Variants in BACH2 observed in about 807,000 individuals in gnomAD.
The protein encoded by BACH2 is BACH transcriptional regulator 2.
Under a neutral mutation model 61.8 loss-of-function variants are expected in BACH2, and 5 were observed. That is an observed-to-expected ratio of 0.08 (90% CI 0.04 to 0.17). The LOEUF is 0.17. Ranked by LOEUF, BACH2 falls within the 10% of genes least tolerant of loss-of-function variation. The probability of loss-of-function intolerance (pLI) is 1.00; values close to 1 mark genes in which losing one functional copy is unlikely to be tolerated. For missense variants in BACH2, 824 were observed against 1,091.1 expected, an observed-to-expected ratio of 0.76 and a Z score of 3.45; for synonymous variants, 446 against 440.1, an observed-to-expected ratio of 1.01 and a Z score of -0.17.
At chr6:90,065,988 A>G (rs1408907670) in intron 5 of BACH2, among the ~76,000 whole-genome samples, 1 of 152,228 alleles carries the variant, frequency 6.6e-6, no homozygotes, top group East Asian at 1.9e-4. Context: ...AAGAATGGGT[A>G]GAATATGACA....
intron 4 of BACH2, among the ~76,000 whole-genome samples, chr6:90,103,295 G>A (rs1782757653): frequency 6.6e-6 from 1 of 151,862 alleles, no homozygotes; most frequent in Non-Finnish European, 1.5e-5. Flanking sequence ...GAGAGAGCCA[G>A]GAGCTGCTGT....
Position 89,990,202 on chromosome 6 carries a change from T to C in BACH2, c.243+18400A>G, listed in dbSNP as rs191740039. On this transcript the variant is annotated intron_variant, in intron 6 of 8. Coordinates refer to ENST00000257749, the MANE Select transcript of BACH2 (RefSeq NM_021813.4). The stretch of plus-strand genomic sequence containing the variant: ...TACAGCAGCTCCATGTGGGGAGCTA[T>C]ACCCTTAGAGACAGGAGTCGGTGCA... Among the ~76,000 whole-genome samples, 443 of 152,328 alleles carry C rather than the reference T, an allele frequency of 2.9e-3. 2 individuals carry two copies. The highest frequency in any genetic ancestry group is 8.8e-3 in the African/African-American group (364 of 41,574).
chr6:90,018,041 C>T (rs1335324089), intron 5 of BACH2, among the ~76,000 whole-genome samples: 1 of 152,196 alleles, frequency 6.6e-6, no homozygotes, highest in Non-Finnish European at 1.5e-5. Flanking sequence ...GGGTTCATTA[C>T]TCCCTACTAC....
rs151251341 is a variant in BACH2 at position 90,257,878 on chromosome 6, C to T, written c.-352-5288G>A. 7.9e-3 allele frequency among the ~76,000 whole-genome samples: 1,207 copies of T among 152,238 alleles called. 9 individuals carry two copies. Among genetic ancestry groups the T allele is most frequent in the East Asian group, 0.022 (112 of 5,170 alleles). On this transcript the variant is annotated intron_variant, in intron 2 of 8. Transcript: ENST00000257749. ...ACAATCTCGGCCTCCTGGGTTCAAG[C>T]GATTCTCCTGCCTCAGCCTCCCAAG...
chr6:90,098,643 C>T (rs752346013), intron 4 of BACH2, among the ~76,000 whole-genome samples: 4 of 152,192 alleles, frequency 2.6e-5, no homozygotes, highest in Non-Finnish European at 4.4e-5. Flanking sequence ...CCTTTGAAGA[C>T]GATGTAGGCC....
intron 4 of BACH2, among the ~76,000 whole-genome samples, chr6:90,126,879 G>T (rs58282815): frequency 0.022 from 3,418 of 152,236 alleles, 107 homozygotes; most frequent in African/African-American, 0.07. Flanking sequence ...GTGGTCAAAA[G>T]AAAAGATAAA....
chr6:90,038,442 A>G (rs1404859217), intron 5 of BACH2, among the ~76,000 whole-genome samples: 1 of 152,168 alleles, frequency 6.6e-6, no homozygotes, highest in Non-Finnish European at 1.5e-5. Flanking sequence ...TGTGCTCAAC[A>G]TTATGTTTGT....
intron 2 of BACH2, among the ~76,000 whole-genome samples, chr6:90,268,158 A>G (rs928634986): frequency 2.0e-5 from 3 of 151,762 alleles, no homozygotes; most frequent in Non-Finnish European, 4.4e-5. Context: ...ACAGGTGCAC[A>G]CCACCATGCC....
intron 6 of BACH2, among the ~76,000 whole-genome samples, chr6:89,980,520 C>T (rs1775893020): frequency 1.3e-5 from 2 of 152,212 alleles, no homozygotes; most frequent in African/African-American, 2.4e-5. Context: ...CCCACAGTGG[C>T]TGGTCCAGGG....
At position 90,253,602 on chromosome 6, in the gene BACH2, G is replaced by A. The variant is rs1279167190; in HGVS notation, c.-352-1012C>T. Among the ~76,000 whole-genome samples, 5 of 152,144 alleles carry A rather than the reference G, an allele frequency of 3.3e-5. No individual in the cohort carries two copies. The East Asian group carries it at 7.7e-4, about 23-fold the overall frequency. ...ATGAAATTAAATACTAAGAACTGGA[G>A]GGAGGCTGCATCAACAGATTTTCTG... On this transcript the variant is annotated intron_variant, in intron 2 of 8. Transcript: ENST00000257749.
At chr6:90,206,328 C>T (rs1185436254) in intron 4 of BACH2, among the ~76,000 whole-genome samples, 2 of 152,092 alleles carry the variant, frequency 1.3e-5, no homozygotes, top group Non-Finnish European at 2.9e-5. Flanking sequence ...ACACTAAAAC[C>T]CAGTATTTCA....
intron 5 of BACH2, among the ~76,000 whole-genome samples, chr6:90,059,738 A>G (rs1359071309): frequency 6.6e-6 from 1 of 152,086 alleles, no homozygotes; most frequent in Non-Finnish European, 1.5e-5. Flanking sequence ...ATGTCCAACA[A>G]TGATAGACTG....
At chr6:90,255,013 T>C (rs1476923817) in intron 2 of BACH2, among the ~76,000 whole-genome samples, 1 of 152,180 alleles carries the variant, frequency 6.6e-6, no homozygotes, top group Non-Finnish European at 1.5e-5. Context: ...CAACATCAGA[T>C]GGGTGGCTGG....
intron 1 of BACH2, among the ~76,000 whole-genome samples, chr6:90,274,702 A>G (rs1244597166): frequency 6.6e-6 from 1 of 152,240 alleles, no homozygotes; most frequent in African/African-American, 2.4e-5. Flanking sequence ...CAGAAGCATC[A>G]ATGTGAAAAG....
intron 1 of BACH2, among the ~76,000 whole-genome samples, chr6:90,280,534 A>C (rs988841345): frequency 6.6e-6 from 1 of 152,218 alleles, no homozygotes; most frequent in Non-Finnish European, 1.5e-5. Context: ...TTTATTCTAT[A>C]AAATCATTAA....
intron 4 of BACH2, among the ~76,000 whole-genome samples, chr6:90,110,346 C>G (rs550902202): frequency 1.3e-5 from 2 of 152,152 alleles, no homozygotes; most frequent in Non-Finnish European, 2.9e-5. Context: ...ATATTAAAAT[C>G]TATTGGTCTA....
At chr6:90,035,152 G>T (rs1263785178) in intron 5 of BACH2, among the ~76,000 whole-genome samples, 1 of 152,044 alleles carries the variant, frequency 6.6e-6, no homozygotes, top group East Asian at 1.9e-4. Flanking sequence ...AATAGCACAT[G>T]AAAAAATACA....
intron 6 of BACH2, among the ~76,000 whole-genome samples, chr6:90,006,280 G>A (rs1157062152): frequency 2.0e-5 from 3 of 152,190 alleles, no homozygotes; most frequent in African/African-American, 7.2e-5. Context: ...TAAGGGCTGT[G>A]CTGAGAATTT....
At chr6:90,010,013 A>C (rs1384513934) in intron 5 of BACH2, among the ~76,000 whole-genome samples, 3 of 152,162 alleles carry the variant, frequency 2.0e-5, no homozygotes, top group Non-Finnish European at 4.4e-5. Flanking sequence ...TTATATAGTT[A>C]CATAGTTTTT....
Sources: gnomAD v4.1 joint callset for allele counts (sites outside exome capture counted in the v4.1 genomes callset) on GRCh38, gnomAD v4.1.1 for gene constraint, MANE v1.5 for transcripts, NCBI Gene and HGNC (gene_info 2026-07-23, HGNC 2026-07-21) for gene names.